Variants in GRM7 observed in about 807,000 individuals in gnomAD.
GRM7 encodes the protein glutamate metabotropic receptor 7, also known as metabotropic glutamate receptor 7.
A neutral mutation model predicts 84.5 loss-of-function variants in GRM7; 35 were observed. The observed-to-expected ratio is 0.41, with a 90% CI of 0.32 to 0.55. The LOEUF is 0.55. Ranked by LOEUF, GRM7 falls within the 20% of genes least tolerant of loss-of-function variation. The pLI is 0.19. For missense variants in GRM7, 1,003 were observed against 1,194.6 expected, an observed-to-expected ratio of 0.84 and a Z score of 2.36; for synonymous variants, 487 against 455.1, an observed-to-expected ratio of 1.07 and a Z score of -0.89.
At chr3:7,000,242 G>T (rs1208138477) in intron 1 of GRM7, among the ~76,000 whole-genome samples, 1 of 148,108 alleles carries the variant, frequency 6.8e-6, no homozygotes, top group African/African-American at 2.5e-5. Flanking sequence ...CACAATCTTG[G>T]CTCACTGCAA....
chr3:7,556,988 G>C (rs1019042025), intron 7 of GRM7, among the ~76,000 whole-genome samples: 3 of 152,164 alleles, frequency 2.0e-5, no homozygotes, highest in Admixed American at 2.0e-4. Context: ...GCCATGCCAA[G>C]AATTAGGGTT....
chr3:6,984,673 C>T (rs75044537), intron 1 of GRM7, among the ~76,000 whole-genome samples: 1,797 of 152,180 alleles, frequency 0.012, 42 homozygotes, highest in East Asian at 0.097. Flanking sequence ...CTGGATCTTG[C>T]ACTCACCCTG....
At chr3:7,341,527 A>G (rs1692632994) in intron 4 of GRM7, among the ~76,000 whole-genome samples, 1 of 152,112 alleles carries the variant, frequency 6.6e-6, no homozygotes, top group Non-Finnish European at 1.5e-5. Flanking sequence ...CACTGAGAAA[A>G]TTGTCCCTCT....
chr3:7,299,676 C>A (rs1462494325), intron 3 of GRM7, among the ~76,000 whole-genome samples: 2 of 152,118 alleles, frequency 1.3e-5, no homozygotes, highest in African/African-American at 4.8e-5. Flanking sequence ...ATGTTGTGTG[C>A]ATTCCTGTTC....
chr3:7,365,766 C>T (rs1352550849), intron 4 of GRM7, among the ~76,000 whole-genome samples: 1 of 150,506 alleles, frequency 6.6e-6, no homozygotes, highest in Non-Finnish European at 1.5e-5. Flanking sequence ...TTTATAGCCT[C>T]TTTCACAATA....
intron 2 of GRM7, among the ~76,000 whole-genome samples, chr3:7,241,987 T>A (rs908464): frequency 0.9 from 136,773 of 152,206 alleles, 61,707 homozygotes; most frequent in East Asian, 0.98. Flanking sequence ...TTTACCTTAG[T>A]ACTTCTTTTA....
At chr3:7,287,810 T>C (rs1699482938) in intron 2 of GRM7, among the ~76,000 whole-genome samples, 2 of 152,094 alleles carry the variant, frequency 1.3e-5, no homozygotes, top group African/African-American at 4.8e-5. Flanking sequence ...AGGTAATAGT[T>C]TGCTGCGGGA....
chr3:7,205,799 A>T (rs966800433), intron 2 of GRM7, among the ~76,000 whole-genome samples: 2 of 152,196 alleles, frequency 1.3e-5, no homozygotes, highest in African/African-American at 4.8e-5. Flanking sequence ...TTCAAAAGAG[A>T]AATGTGTATT....
At position 7,500,568 on chromosome 3, in the gene GRM7, A is replaced by C. The variant is rs1295642058; in HGVS notation, c.1515+38846A>C. On this transcript the variant is annotated intron_variant, in intron 7 of 9. Transcript: ENST00000357716. ...TGCCCAGAGGCCTGGAGGGAACTTC[A>C]TGTGATATTGGACGATACTGATTAA... is the stretch of plus-strand genomic sequence containing the variant. 2.0e-5 allele frequency among the ~76,000 whole-genome samples: 3 copies of C among 152,228 alleles called. No homozygotes were observed. The East Asian group carries it at 5.8e-4, about 29-fold the overall frequency.
chr3:7,090,258 G>A (rs571683074), intron 1 of GRM7, among the ~76,000 whole-genome samples: 1 of 152,132 alleles, frequency 6.6e-6, no homozygotes, highest in Non-Finnish European at 1.5e-5. Flanking sequence ...TGAGGATTTG[G>A]GTATTTGTTT....
intron 9 of GRM7, among the ~76,000 whole-genome samples, chr3:7,694,859 T>A (rs917759915): frequency 1.3e-5 from 2 of 152,218 alleles, no homozygotes; most frequent in Non-Finnish European, 2.9e-5. Context: ...TATACTTCGG[T>A]CTAATTTAAA....
At chr3:7,538,212 T>G (rs965345686) in intron 7 of GRM7, among the ~76,000 whole-genome samples, 1 of 152,104 alleles carries the variant, frequency 6.6e-6, no homozygotes, top group South Asian at 2.1e-4. Context: ...CAGATTCAAG[T>G]GATTCTCCTG....
At chr3:7,043,715 T>G (rs551304677) in intron 1 of GRM7, among the ~76,000 whole-genome samples, 2 of 152,302 alleles carry the variant, frequency 1.3e-5, no homozygotes, top group African/African-American at 4.8e-5. Flanking sequence ...GCACCTGATG[T>G]TCTCTTGGCA....
chr3:6,909,362 A>G (rs11916684), intron 1 of GRM7, among the ~76,000 whole-genome samples: 7,279 of 152,242 alleles, frequency 0.048, 188 homozygotes, highest in African/African-American at 0.049. Context: ...CCTCACGTGT[A>G]TAATAAAGCA....
chr3:7,096,941 A>G (rs1285175358), intron 1 of GRM7, among the ~76,000 whole-genome samples: 1 of 152,202 alleles, frequency 6.6e-6, no homozygotes, highest in Non-Finnish European at 1.5e-5. Flanking sequence ...AAACAAGTGA[A>G]CATTAATAGT....
At chr3:7,627,802 A>T (rs1697682618) in intron 8 of GRM7, among the ~76,000 whole-genome samples, 1 of 152,092 alleles carries the variant, frequency 6.6e-6, no homozygotes, top group Non-Finnish European at 1.5e-5. Context: ...CTGTGTTTTT[A>T]CGTGGTCTTT....
chr3:7,551,145 T>G (rs1374519293), intron 7 of GRM7, among the ~76,000 whole-genome samples: 1 of 152,218 alleles, frequency 6.6e-6, no homozygotes, highest in Non-Finnish European at 1.5e-5. Flanking sequence ...TTTCCAAGAA[T>G]ATTTATATAG....
intron 2 of GRM7, among the ~76,000 whole-genome samples, chr3:7,165,716 T>C (rs1694778811): frequency 6.6e-6 from 1 of 152,224 alleles, no homozygotes; most frequent in Non-Finnish European, 1.5e-5. Flanking sequence ...CAGGAGATTT[T>C]ATTTGAAAAC....
intron 2 of GRM7, among the ~76,000 whole-genome samples, chr3:7,178,104 TG>T (rs1225404824): frequency 6.6e-6 from 1 of 152,214 alleles, no homozygotes; most frequent in East Asian, 1.9e-4. Context: ...TTGGCCAAGG[TG>T]AAAGCAAGAC....
Sources: allele counts gnomAD v4.1 joint callset (sites outside exome capture counted in the v4.1 genomes callset), GRCh38; gene constraint gnomAD v4.1.1; transcripts MANE v1.5; gene names NCBI Gene and HGNC (gene_info 2026-07-23, HGNC 2026-07-21).